Variants in ZNF225 observed in about 807,000 individuals in gnomAD.
ZNF225 encodes the protein zinc finger protein 225.
In ZNF225, 6 loss-of-function variants were observed where a neutral mutation model predicts 12.0. That is an observed-to-expected ratio of 0.50 (90% confidence interval 0.27 to 0.98). The LOEUF is 0.98. ZNF225 is among the 50% of genes least tolerant of loss of function. The probability of loss-of-function intolerance (pLI) is 0.11; values close to 1 mark genes in which losing one functional copy is unlikely to be tolerated. For missense variants in ZNF225, 763 were observed against 848.2 expected (o/e 0.90, Z 1.25); for synonymous variants, 271 against 283.2 (o/e 0.96, Z 0.43).
chr19:44,124,328 G>C (rs544066559), intron 4 of ZNF225, among the ~76,000 whole-genome samples: 1 of 152,116 alleles, frequency 6.6e-6, no homozygotes, highest in East Asian at 1.9e-4. Flanking sequence ...GGTTTTGAAG[G>C]TTCCTCTTGG....
Position 44,131,054 on chromosome 19 carries a change from C to T in ZNF225, c.440C>T (p.Pro147Leu), listed in dbSNP as rs776781872. The change falls in exon 5 of 5, where the codon CCT becomes CTT. Residue 147 changes from proline (P) to leucine (L), a missense_variant. By Grantham distance (98) the Pro-to-Leu change is moderately conservative (BLOSUM62 -3). Coordinates refer to ENST00000262894, the MANE Select transcript of ZNF225 (RefSeq NM_013362.4). The part of the protein sequence containing the change: ...GLSIIHVRQK[P>L]SEGRTCKKSF... ...TCTATAATTCACGTAAGACAGAAAC[C>T]TTCTGAGGGTAGGACGTGTAAAAAG... 11 of 1,613,932 alleles carry T rather than the reference C, an allele frequency of 6.8e-6. No individual in the cohort carries two copies. Among genetic ancestry groups the T allele is most frequent in the African/African-American group, 1.3e-5 (1 of 74,938 alleles).
At position 44,130,982 on chromosome 19, in the gene ZNF225, A is replaced by C; in HGVS notation, c.368A>C (p.Gln123Pro). 1 of 1,614,066 alleles carries C rather than the reference A, an allele frequency of 6.2e-7. No homozygotes were observed. The highest frequency in any genetic ancestry group is 1.1e-5 in the South Asian group (1 of 91,088). Residue 123 changes from glutamine (Q) to proline (P), a missense_variant, in exon 5 of 5, where the codon CAG (glutamine) becomes CCG (proline). Gln to Pro is a moderately conservative substitution (Grantham distance 76). Transcript: ENST00000262894. ...RFQDSMVNSFQFSKQDDMPCQ... is the reference protein window; with the variant it reads ...RFQDSMVNSFPFSKQDDMPCQ... Reference sequence around the variant, plus strand: ...CAAGACTCCATGGTAAACAGCTTTCAGTTCTCCAAACAAGATGATATGCCC... The same window carrying C: ...CAAGACTCCATGGTAAACAGCTTTCCGTTCTCCAAACAAGATGATATGCCC...
intron 4 of ZNF225, among the ~76,000 whole-genome samples, chr19:44,122,860 T>C (rs1323390218): frequency 2.0e-5 from 3 of 152,208 alleles, no homozygotes; most frequent in Non-Finnish European, 2.9e-5. Context: ...ATCCAGAAAC[T>C]TTGCTGAATT....
At chr19:44,111,700 CCA>C (rs1428588506), upstream of ZNF225, among the ~76,000 whole-genome samples, 4 of 152,126 alleles carry the variant, frequency 2.6e-5, no homozygotes, top group Admixed American at 1.3e-4. Context: ...ACAAAATGTT[CCA>C]TTCATTTTTA....
At chr19:44,113,882 T>G (rs1427874451) in intron 1 of ZNF225, among the ~76,000 whole-genome samples, 1 of 152,218 alleles carries the variant, frequency 6.6e-6, no homozygotes, top group Non-Finnish European at 1.5e-5. Flanking sequence ...AATGAGAGCC[T>G]TAAAGCAGCC....
At chr19:44,115,921 G>T in intron 2 of ZNF225, 79 bp downstream of exon 2, 1 of 1,495,442 alleles carries the variant, frequency 6.7e-7, no homozygotes. Flanking sequence ...GAGTGCAGTG[G>T]CCTGATTTTG....
chr19:44,113,894 C>T (rs1179368644), intron 1 of ZNF225, among the ~76,000 whole-genome samples: 1 of 152,214 alleles, frequency 6.6e-6, no homozygotes. Flanking sequence ...AAAGCAGCCC[C>T]TGTCACTTGG....
chr19:44,131,910 G>C lies in ZNF225; in HGVS notation c.1296G>C (p.Glu432Asp), dbSNP rs746685502. The change falls in exon 5 of 5, where the codon GAG becomes GAC. Residue 432 changes from glutamate (E) to aspartate (D), a missense_variant. Physicochemically the swap from Glu to Asp is conservative, Grantham distance 45. Coordinates refer to ENST00000262894, the MANE Select transcript of ZNF225 (RefSeq NM_013362.4). ...HSGEKPYRCEECGKGYKRRLD... is the reference protein window; with the variant it reads ...HSGEKPYRCEDCGKGYKRRLD... The stretch of plus-strand genomic sequence containing the variant: ...GAGAAAAGCCATATAGATGTGAGGA[G>C]TGTGGGAAGGGCTACAAAAGGAGGT... 2.5e-6 allele frequency: 4 copies of C among 1,614,112 alleles called. No homozygotes were observed. Among genetic ancestry groups the C allele is most frequent in the Non-Finnish European group, 3.4e-6 (4 of 1,180,010 alleles).
In ZNF225 at chr19:44,133,779, T is replaced by C. The variant is rs573216783; in HGVS notation, c.*1044T>C. 4.7e-4 allele frequency: 66 copies of C among 141,662 alleles called. No individual in the cohort carries two copies. Among genetic ancestry groups the C allele is most frequent in the African/African-American group, 1.6e-3 (62 of 37,862 alleles). The allele number at this position is 141,662 out of a possible 1,614,324, so 8.8% of individuals were successfully genotyped here. On this transcript the variant is annotated 3_prime_UTR_variant, in exon 5 of 5. Coordinates refer to ENST00000262894, the MANE Select transcript of ZNF225 (RefSeq NM_013362.4). ...CTTCAGCAAAATCTATCTCTAGAGA[T>C]AGATTTGATTTTTATAATCAAATCT...
intron 2 of ZNF225, among the ~76,000 whole-genome samples, chr19:44,116,495 C>T (rs940622520): frequency 6.6e-6 from 1 of 152,142 alleles, no homozygotes; most frequent in African/African-American, 2.4e-5. Flanking sequence ...TCTTTACTTT[C>T]AGTATGGTAA....
chr19:44,121,157 A>G (rs1968049350), intron 4 of ZNF225, among the ~76,000 whole-genome samples: 2 of 152,118 alleles, frequency 1.3e-5, no homozygotes, highest in African/African-American at 2.4e-5. Flanking sequence ...TCGGCCTCCC[A>G]AAGTGCTGGG....
intron 2 of ZNF225, among the ~76,000 whole-genome samples, chr19:44,117,599 G>A (rs143706419): frequency 1.4e-4 from 22 of 152,186 alleles, no homozygotes; most frequent in African/African-American, 5.1e-4. Flanking sequence ...GAGTCCTACA[G>A]GGTTACTTAC....
At position 44,115,623 on chromosome 19, in the gene ZNF225, T is replaced by C; in HGVS notation, c.-68-137T>C. On this transcript the variant is annotated intron_variant, in intron 1 of 4. Transcript: ENST00000262894. Reference sequence around the variant, plus strand: ...GTACGCATAGGAGGGAGTTTGTTGGTGTGCAGTTTTGGGTTACTATGAATG... The same window carrying C: ...GTACGCATAGGAGGGAGTTTGTTGGCGTGCAGTTTTGGGTTACTATGAATG... 3 of 481,874 alleles carry C rather than the reference T, an allele frequency of 6.2e-6. No homozygotes were observed. The South Asian group carries it at 1.1e-4, about 18-fold the overall frequency. The allele number at this position is 481,874 out of a possible 1,614,324, so 29.8% of individuals were successfully genotyped here.
intron 4 of ZNF225, among the ~76,000 whole-genome samples, chr19:44,120,519 G>A (rs57614626): frequency 0.013 from 1,964 of 152,290 alleles, 30 homozygotes; most frequent in African/African-American, 0.044. Flanking sequence ...GTGAATGAGA[G>A]CTATTGCAGA....
intron 4 of ZNF225, among the ~76,000 whole-genome samples, chr19:44,124,117 G>T (rs1393795943): frequency 6.6e-6 from 1 of 151,900 alleles, no homozygotes; most frequent in Non-Finnish European, 1.5e-5. Flanking sequence ...ATGTAAGTTT[G>T]TGCTCTTTCA....
intron 4 of ZNF225, among the ~76,000 whole-genome samples, chr19:44,121,446 C>T (rs10416632): frequency 0.034 from 5,189 of 152,260 alleles, 323 homozygotes; most frequent in African/African-American, 0.12. Flanking sequence ...AATTGTGCTG[C>T]TGTAAACATG....
chr19:44,114,512 C>G (rs574272065), intron 1 of ZNF225, among the ~76,000 whole-genome samples: 1 of 152,130 alleles, frequency 6.6e-6, no homozygotes, highest in Non-Finnish European at 1.5e-5. Flanking sequence ...AAATCTCTCT[C>G]TCTCTTTTTT....
intron 4 of ZNF225, among the ~76,000 whole-genome samples, chr19:44,127,208 A>G (rs1209513707): frequency 6.6e-6 from 1 of 152,246 alleles, no homozygotes; most frequent in Admixed American, 6.5e-5. Context: ...CGAGGTCCCA[A>G]GGCCTTTCTG....
rs769195788 is a variant in ZNF225, at chr19:44,131,834, A to C, written c.1220A>C (p.Lys407Thr). 3 of 1,614,116 alleles carry C rather than the reference A, an allele frequency of 1.9e-6. No individual in the cohort carries two copies. The highest frequency in any genetic ancestry group is 1.1e-5 in the South Asian group (1 of 91,090). The change falls in exon 5 of 5, where the codon AAG becomes ACG. Residue 407 changes from lysine to threonine, a missense_variant. Transcript: ENST00000262894. ...ETTFKCEECG[K>T]GFYTNSQRYS... ...ACATTCAAATGTGAAGAATGTGGGA[A>C]GGGATTTTATACAAATTCACAACGT...
Sources: allele counts gnomAD v4.1 joint callset (sites outside exome capture counted in the v4.1 genomes callset), GRCh38; gene constraint gnomAD v4.1.1; transcripts MANE v1.5; gene names NCBI Gene and HGNC (gene_info 2026-07-23, HGNC 2026-07-21).